The following DMD variants were observed in gnomAD, a reference collection of about 807,000 sequenced individuals.
DMD encodes dystrophin.
DMD carries 63 observed loss-of-function variants against 330.1 expected under a neutral mutation model. That is an observed-to-expected ratio of 0.19 (90% CI 0.16 to 0.24). The LOEUF (loss-of-function observed/expected upper bound fraction) is 0.24, where lower values mean the gene tolerates loss of function less well. DMD is among the 10% of genes least tolerant of loss of function. The probability of loss-of-function intolerance (pLI) is 1.00; values close to 1 mark genes in which losing one functional copy is unlikely to be tolerated. For missense variants in DMD, 3,344 were observed against 2,684.1 expected (o/e 1.25, Z -5.43); for synonymous variants, 1,223 against 959.8 (o/e 1.27, Z -5.07).
chrX:31,589,796 G>A (rs1217822003), intron 55 of DMD, among the ~76,000 whole-genome samples: 1 of 111,234 alleles, frequency 9.0e-6, no homozygotes, highest in African/African-American at 3.3e-5. Context: ...ATTACTTAAT[G>A]GGTACAATGC....
At chrX:32,858,099 T>C (rs988650931) in intron 2 of DMD, among the ~76,000 whole-genome samples, 7 of 111,160 alleles carry the variant, frequency 6.3e-5, no homozygotes, top group African/African-American at 2.0e-4. Context: ...TGAAATCCAA[T>C]TTCTATTAGT....
At chrX:31,272,628 C>G (rs908518306) in intron 62 of DMD, among the ~76,000 whole-genome samples, 2 of 112,427 alleles carry the variant, frequency 1.8e-5, no homozygotes, top group African/African-American at 6.5e-5. Flanking sequence ...TCTGAGGCCT[C>G]TACCTTCCTC....
intron 7 of DMD, among the ~76,000 whole-genome samples, chrX:32,803,739 A>T (rs1191275349): frequency 1.8e-5 from 2 of 112,169 alleles, no homozygotes; most frequent in East Asian, 2.8e-4. Context: ...ACCCAGGAGC[A>T]GGTTTGTTCA....
At chrX:33,301,589 A>G (rs1445793031) in intron 1 of DMD, among the ~76,000 whole-genome samples, 3 of 112,001 alleles carry the variant, frequency 2.7e-5, no homozygotes, top group Admixed American at 1.9e-4. Flanking sequence ...TATAAACAAC[A>G]GAAATTAATT....
intron 9 of DMD, among the ~76,000 whole-genome samples, chrX:32,694,274 C>G (rs6628729): frequency 9.0e-6 from 1 of 111,607 alleles, no homozygotes; most frequent in Admixed American, 9.5e-5. Context: ...TAAATAACAT[C>G]TATGTGTTGA....
chrX:32,654,981 G>T (rs886459497), intron 9 of DMD, among the ~76,000 whole-genome samples: 1 of 111,567 alleles, frequency 9.0e-6, no homozygotes, highest in Admixed American at 9.5e-5. Flanking sequence ...ATTTCTGTGG[G>T]ATCGGTGGTG....
chrX:31,807,580 A>G (rs1287874687), intron 50 of DMD, among the ~76,000 whole-genome samples: 1 of 111,567 alleles, frequency 9.0e-6, no homozygotes, highest in East Asian at 2.8e-4. Context: ...AAGAACGTAT[A>G]TATTTCTTCA....
At chrX:33,290,705 T>C (rs1197550362) in intron 1 of DMD, among the ~76,000 whole-genome samples, 1 of 111,666 alleles carries the variant, frequency 9.0e-6, no homozygotes, top group African/African-American at 3.2e-5. Context: ...AATTTTTATC[T>C]TCAAGTGAAC....
intron 2 of DMD, among the ~76,000 whole-genome samples, chrX:32,859,034 G>A (rs1015012721): frequency 9.0e-6 from 1 of 111,440 alleles, no homozygotes; most frequent in Non-Finnish European, 1.9e-5. Context: ...GAGCACTCCC[G>A]TGAGGTTCAA....
chrX:31,714,996 T>A (rs2084913894), intron 52 of DMD, among the ~76,000 whole-genome samples: 1 of 111,174 alleles, frequency 9.0e-6, no homozygotes. Flanking sequence ...CTACTTCTCC[T>A]AGGGACAACA....
chrX:33,089,670 T>C (rs2095059100), intron 1 of DMD, among the ~76,000 whole-genome samples: 1 of 111,983 alleles, frequency 8.9e-6, no homozygotes, highest in Non-Finnish European at 1.9e-5. Context: ...CAGGGGTATT[T>C]GATGAGGAGC....
intron 9 of DMD, among the ~76,000 whole-genome samples, chrX:32,675,242 T>G (rs1042659836): frequency 9.0e-6 from 1 of 111,406 alleles, no homozygotes; most frequent in Non-Finnish European, 1.9e-5. Context: ...AAATGGGAAT[T>G]TAATGCACCA....
At chrX:32,601,049 T>C (rs1043121038) in intron 12 of DMD, among the ~76,000 whole-genome samples, 1 of 111,277 alleles carries the variant, frequency 9.0e-6, no homozygotes, top group Non-Finnish European at 1.9e-5. Flanking sequence ...AGGTAATTTA[T>C]TTTTTTCACT....
At chrX:32,242,601 TTTTA>T (rs1017087033) in intron 43 of DMD, among the ~76,000 whole-genome samples, 3 of 111,554 alleles carry the variant, frequency 2.7e-5, no homozygotes, top group African/African-American at 6.5e-5. Context: ...ATGTAACTTA[TTTTA>T]TTTGTTAATA....
intron 7 of DMD, among the ~76,000 whole-genome samples, chrX:32,749,329 C>A: frequency 8.9e-6 from 1 of 112,010 alleles, no homozygotes; most frequent in Non-Finnish European, 1.9e-5. Flanking sequence ...TCATTAAATA[C>A]AATTCTGTCT....
chrX:32,319,722 T>C lies in DMD; in HGVS notation c.5923-9446A>G, dbSNP rs564872998. On this transcript the variant is annotated intron_variant, in intron 41 of 78. Coordinates refer to ENST00000357033, the MANE Select transcript of DMD (RefSeq NM_004006.3). The stretch of plus-strand genomic sequence containing the variant: ...GACTCATTATACTTGAATACAAACA[T>C]AAGCAATTATTTGAGGTAATGACAT... Among the ~76,000 whole-genome samples the C allele has an allele frequency of 1.8e-3, 197 of 111,052 alleles. 2 individuals are homozygous for C. Among genetic ancestry groups the C allele is most frequent in the African/African-American group, 6.2e-3 (191 of 30,704 alleles).
At chrX:32,496,605 CACA>C (rs1031515675) in intron 19 of DMD, among the ~76,000 whole-genome samples, 2 of 112,183 alleles carry the variant, frequency 1.8e-5, no homozygotes, top group Non-Finnish European at 3.8e-5. Flanking sequence ...ACTCATTTCC[CACA>C]ACAACAGTGA....
At chrX:31,511,237 C>T (rs7879034) in intron 55 of DMD, among the ~76,000 whole-genome samples, 32,386 of 106,026 alleles carry the variant, frequency 0.31, 4,199 homozygotes, top group African/African-American at 0.43. Context: ...ATACATTATA[C>T]ATAATATAAT....
chrX:32,815,903 C>A (rs1477611329), intron 6 of DMD, among the ~76,000 whole-genome samples: 1 of 111,088 alleles, frequency 9.0e-6, no homozygotes, highest in Non-Finnish European at 1.9e-5. Flanking sequence ...GTGTTCTGCT[C>A]TTTGTCTTGG....
Sources: allele counts gnomAD v4.1 joint callset (sites outside exome capture counted in the v4.1 genomes callset), GRCh38; gene constraint gnomAD v4.1.1; transcripts MANE v1.5; gene names NCBI Gene and HGNC (gene_info 2026-07-23, HGNC 2026-07-21).